Variants in SFI1 observed in about 807,000 individuals in gnomAD.
The protein encoded by SFI1 is SFI1 centrin binding protein.
SFI1 carries 195 observed loss-of-function variants against 207.5 expected under a neutral mutation model. The ratio of observed to expected loss-of-function variants is 0.94; its 90% CI spans 0.84 to 1.06. The LOEUF (loss-of-function observed/expected upper bound fraction) is 1.06, where lower values mean the gene tolerates loss of function less well. Among genes scored for constraint, SFI1 ranks in the 50% least tolerant of loss-of-function variants. The pLI, the probability that SFI1 is intolerant of heterozygous loss-of-function variation, is 0.00. For synonymous variants in SFI1, 630 were observed against 598.9 expected (o/e 1.05, Z -0.76); for missense variants, 1,634 against 1,588.0 (o/e 1.03, Z -0.49).
chr22:31,603,237 G>A (rs2070274), intron 17 of SFI1, among the ~76,000 whole-genome samples: 103,864 of 152,028 alleles, frequency 0.68, 36,019 homozygotes, highest in African/African-American at 0.8. Flanking sequence ...TGCCTCAAAC[G>A]AACAAAAGTG....
intron 15 of SFI1, among the ~76,000 whole-genome samples, chr22:31,593,059 C>T (rs2066349573): frequency 1.5e-5 from 2 of 134,520 alleles, no homozygotes; most frequent in Admixed American, 7.0e-5. Context: ...CCCTCCCGGA[C>T]GGCACGGCTG....
chr22:31,568,551 A>AAT (rs2062633525), intron 8 of SFI1, among the ~76,000 whole-genome samples: 1 of 150,940 alleles, frequency 6.6e-6, no homozygotes, highest in African/African-American at 2.4e-5. Context: ...AAAAAAAAAA[A>AAT]AAAAAGCATT....
chr22:31,590,859 T>A (rs1248333083), intron 15 of SFI1, among the ~76,000 whole-genome samples: 1 of 149,684 alleles, frequency 6.7e-6, no homozygotes, highest in African/African-American at 2.4e-5. Flanking sequence ...TTATTTTATT[T>A]TTATTTTTAT....
Position 31,613,838 on chromosome 22 carries a change from G to T in SFI1, c.2979G>T (p.Glu993Asp), listed in dbSNP as rs371400705. ...CTCTGGGCCGCCTGGCTGCTGAGGA[G>T]CCCCACGCCCTGGAGCTGTGAGTAG... ...LGALGRLAAE[E>D]PHALELNTAH... Residue 993 changes from glutamate (E) to aspartate (D), a missense_variant, in exon 27 of 33, where the codon GAG (glutamate) becomes GAT (aspartate). By Grantham distance (45) the Glu-to-Asp change is conservative. Coordinates refer to ENST00000400288, the MANE Select transcript of SFI1 (RefSeq NM_001007467.3). 3.1e-5 allele frequency: 50 copies of T among 1,605,858 alleles called. No individual in the cohort carries two copies. The highest frequency in any genetic ancestry group is 3.8e-5 in the Non-Finnish European group (45 of 1,176,386).
At chr22:31,589,224 G>A (rs1180174258) in intron 14 of SFI1, among the ~76,000 whole-genome samples, 1 of 151,416 alleles carries the variant, frequency 6.6e-6, no homozygotes, top group Non-Finnish European at 1.5e-5. Context: ...GTGTGTGTGT[G>A]TGTGTGTGTG....
At chr22:31,576,650 T>G (rs950666847) in intron 10 of SFI1, among the ~76,000 whole-genome samples, 3 of 151,720 alleles carry the variant, frequency 2.0e-5, no homozygotes, top group African/African-American at 7.3e-5. Context: ...TTTCCCTTTT[T>G]TTTTTTGAGA....
At position 31,602,800 on chromosome 22, in the gene SFI1, C is replaced by T. The variant is rs887898965; in HGVS notation, c.1805+15C>T. 6.2e-7 allele frequency: 1 copy of T among 1,610,752 alleles called. No individual in the cohort carries two copies. The highest frequency in any genetic ancestry group is 8.5e-7 in the Non-Finnish European group (1 of 1,178,718). On this transcript the variant is annotated intron_variant, in intron 17 of 32. Coordinates refer to ENST00000400288, the MANE Select transcript of SFI1 (RefSeq NM_001007467.3). ...CTCAGAACAGAGTGAGTGGCCAGTT[C>T]TGCCTTACAAGCCTTTCCATCACAG...
chr22:31,503,484 T>C (rs2054133023), intron 1 of SFI1, among the ~76,000 whole-genome samples: 1 of 152,052 alleles, frequency 6.6e-6, no homozygotes, highest in Admixed American at 6.6e-5. Flanking sequence ...CTCTTTAACC[T>C]TATGGTTCGT....
rs573077900 is a variant in SFI1, at chr22:31,601,854, G to A, written c.1545-358G>A. 3.2e-3 allele frequency among the ~76,000 whole-genome samples: 484 copies of A among 151,634 alleles called. 3 individuals are homozygous for A. The highest frequency in any genetic ancestry group is 5.8e-3 in the South Asian group (28 of 4,792). On this transcript the variant is annotated intron_variant, in intron 15 of 32. Transcript: ENST00000400288. The stretch of plus-strand genomic sequence containing the variant: ...GTTGCCCAGGCTGGAGTGGAGTGGC[G>A]TGATCATAGTTCACCACAGCCTCAA...
chr22:31,591,741 A>C (rs1236693763), intron 15 of SFI1, among the ~76,000 whole-genome samples: 5 of 31,142 alleles, frequency 1.6e-4, no homozygotes, highest in African/African-American at 3.8e-4. Context: ...GGCGCCCCTC[A>C]CCTCCCGGAC....
Position 31,580,274 on chromosome 22 carries a change from T to G in SFI1, c.1158T>G (p.Tyr386Ter), listed in dbSNP as rs377035633. 1.6e-4 allele frequency: 254 copies of G among 1,612,836 alleles called. No homozygotes were observed. Among genetic ancestry groups the G allele is most frequent in the Non-Finnish European group, 1.6e-4 (192 of 1,178,992 alleles). Residue 386 changes from tyrosine to a stop codon, truncating the protein, a stop_gained and splice_region_variant, in exon 12 of 33, where the codon TAT (tyrosine) becomes TAG (stop). Transcript: ENST00000400288. LOFTEE classifies it high-confidence loss of function. ...AGTTGTGTCCTTTCTTTGCACAGTA[T>G]TTTTGCTTTAGAGCCCTAAAAGACA... ...AEEHHRHSQL[Y>*]FCFRALKDNV...
chr22:31,569,312 G>T (rs1281960231), intron 8 of SFI1, among the ~76,000 whole-genome samples: 5 of 152,160 alleles, frequency 3.3e-5, no homozygotes, highest in Non-Finnish European at 5.9e-5. Context: ...AACTGTGGCA[G>T]CCAGACATGA....
At chr22:31,561,230 C>T (rs1338077288) in intron 7 of SFI1, 60 bp from the exon 8 acceptor site, 11 of 1,485,494 alleles carry the variant, frequency 7.4e-6, no homozygotes, top group African/African-American at 1.4e-5. Context: ...ACTAACTGCT[C>T]CTCTCTTTCC....
rs528818801 is a variant in SFI1, at chr22:31,594,631, G to A, written c.1544+5054G>A. On this transcript the variant is annotated intron_variant, in intron 15 of 32. Transcript: ENST00000400288. ...AGCACTTTGGGAGTCCAAGGCGGGC[G>A]GATCACGAGGTCAGGAGATCAAGAC... Among the ~76,000 whole-genome samples the A allele has an allele frequency of 1.1e-4, 17 of 151,516 alleles. No individual in the cohort carries two copies. In the South Asian group the frequency reaches 1.5e-3, roughly 13 times the overall value.
intron 4 of SFI1, among the ~76,000 whole-genome samples, chr22:31,540,528 C>T (rs1325475449): frequency 6.6e-6 from 1 of 151,718 alleles, no homozygotes; most frequent in Non-Finnish European, 1.5e-5. Flanking sequence ...GATCCACCCA[C>T]CTTGACCTCC....
chr22:31,615,615 G>A lies in SFI1; in HGVS notation c.3300+336G>A, dbSNP rs114739774. The A allele has an allele frequency of 5.9e-3, 1,466 of 248,644 alleles. 19 individuals are homozygous for A. Among genetic ancestry groups the A allele is most frequent in the East Asian group, 0.043 (577 of 13,412 alleles). 15.4% of individuals were successfully genotyped at this position (248,644 alleles called of 1,614,324 possible). A position where few individuals can be genotyped will look rare whatever the true frequency, so the allele number is the denominator to read the frequency against. ...TGGGATTTGAGAAGAGTAGGAAGTC[G>A]GGGAAGGGTTTTGGCAGGGAGCACC... On this transcript the variant is annotated intron_variant, in intron 29 of 32. Transcript: ENST00000400288.
In SFI1 at chr22:31,567,881, T is replaced by G. The variant is rs151088720; in HGVS notation, c.766-5177T>G. ...TTCAAGTAACTTTAAAATACAATAT[T>G]TTGACTGTTCACCCTGGTGGAATGT... On this transcript the variant is annotated intron_variant, in intron 8 of 32. Coordinates refer to ENST00000400288, the MANE Select transcript of SFI1 (RefSeq NM_001007467.3). Among the ~76,000 whole-genome samples the G allele has an allele frequency of 6.2e-3, 949 of 152,196 alleles. 13 individuals carry two copies. Among genetic ancestry groups the G allele is most frequent in the African/African-American group, 0.022 (896 of 41,520 alleles).
intron 1 of SFI1, among the ~76,000 whole-genome samples, chr22:31,507,425 C>T (rs1238005777): frequency 6.6e-6 from 1 of 152,148 alleles, no homozygotes; most frequent in East Asian, 1.9e-4. Flanking sequence ...TAGGCAATAC[C>T]ATTCAAGACA....
intron 4 of SFI1, among the ~76,000 whole-genome samples, chr22:31,545,901 T>TTA (rs919448129): frequency 6.9e-6 from 1 of 143,904 alleles, no homozygotes; most frequent in African/African-American, 2.6e-5. Flanking sequence ...TTTTTTTTTT[T>TTA]AATGTATTTG....
Sources: gnomAD v4.1 joint callset for allele counts (sites outside exome capture counted in the v4.1 genomes callset) on GRCh38, gnomAD v4.1.1 for gene constraint, MANE v1.5 for transcripts, NCBI Gene and HGNC (gene_info 2026-07-23, HGNC 2026-07-21) for gene names.